The following HSPA12A variants were observed in gnomAD, a reference collection of about 807,000 sequenced individuals.
The protein encoded by HSPA12A is heat shock 70 kDa protein 12A.
HSPA12A carries 28 observed loss-of-function variants against 69.2 expected under a neutral mutation model. The ratio of observed to expected loss-of-function variants is 0.40; its 90% CI spans 0.30 to 0.55. The LOEUF (loss-of-function observed/expected upper bound fraction) is 0.55, where lower values mean the gene tolerates loss of function less well. HSPA12A is among the 20% of genes least tolerant of loss of function. The pLI, the probability that HSPA12A is intolerant of heterozygous loss-of-function variation, is 0.38. For missense variants in HSPA12A, 686 were observed against 900.7 expected (o/e 0.76, Z 3.05); for synonymous variants, 345 against 370.5 (o/e 0.93, Z 0.79).
At chr10:116,828,176 C>T (rs945418670) in intron 2 of HSPA12A, among the ~76,000 whole-genome samples, 3 of 152,188 alleles carry the variant, frequency 2.0e-5, no homozygotes, top group African/African-American at 4.8e-5. Flanking sequence ...CTTATGGATA[C>T]ATACTTTAAA....
chr10:116,769,059 C>T (rs1844140869), intron 2 of HSPA12A, among the ~76,000 whole-genome samples: 1 of 152,164 alleles, frequency 6.6e-6, no homozygotes, highest in African/African-American at 2.4e-5. Context: ...AAAGTGACAT[C>T]CAGCACAGCA....
rs1333459735 is a variant in HSPA12A at position 116,710,282 on chromosome 10, G to A, written c.41-2997C>T. Among the ~76,000 whole-genome samples the A allele has an allele frequency of 6.6e-6, 1 of 152,220 alleles. No individual in the cohort carries two copies. Among genetic ancestry groups the A allele is most frequent in the African/African-American group, 2.4e-5 (1 of 41,464 alleles). On this transcript the variant is annotated intron_variant, in intron 1 of 11. Transcript: ENST00000369209. This position sits in a 1 kb window ranked among gnomAD's most constrained non-coding sequence, Gnocchi z 4.1. ...CACATTTGCACAGACGGTCCTGAAAGAAACCAAATGTCTAATTGCCCAGAA... is the reference window on the plus strand; with the variant it reads ...CACATTTGCACAGACGGTCCTGAAAAAAACCAAATGTCTAATTGCCCAGAA...
Position 116,674,667 on chromosome 10 carries a change from C to G in HSPA12A, c.*114G>C. On this transcript the variant is annotated 3_prime_UTR_variant, in exon 12 of 12. Transcript: ENST00000369209. ...GCCCTGATTGTTCTCATCTTCCCTG[C>G]TGAAATTCACATGGGCAATGGTGAG... 1 of 1,072,686 alleles carries G rather than the reference C, an allele frequency of 9.3e-7. No homozygotes were observed. Among genetic ancestry groups the G allele is most frequent in the Non-Finnish European group, 1.3e-6 (1 of 744,830 alleles). The allele number at this position is 1,072,686 out of a possible 1,614,324, so 66.4% of individuals were successfully genotyped here.
In HSPA12A at chr10:116,681,462, A is replaced by G. The variant is rs548016526; in HGVS notation, c.923-206T>C. On this transcript the variant is annotated intron_variant, in intron 8 of 11. Coordinates refer to ENST00000369209, the MANE Select transcript of HSPA12A (RefSeq NM_025015.3). Reference sequence around the variant, plus strand: ...GAGGATGGTTAGACATGGACGATGGAGAACCCAGGTGAGTGAATCTAAGAT... The same window carrying G: ...GAGGATGGTTAGACATGGACGATGGGGAACCCAGGTGAGTGAATCTAAGAT... 2.0e-5 allele frequency among the ~76,000 whole-genome samples: 3 copies of G among 152,358 alleles called. No individual in the cohort carries two copies. In the South Asian group the frequency reaches 6.2e-4, roughly 32 times the overall value.
chr10:116,752,334 C>T (rs181770788), intron 2 of HSPA12A, among the ~76,000 whole-genome samples: 39 of 152,354 alleles, frequency 2.6e-4, no homozygotes, highest in Non-Finnish European at 8.8e-5. Context: ...GCATTAAAGT[C>T]ACATGGTTTC....
intron 3 of HSPA12A, among the ~76,000 whole-genome samples, chr10:116,702,704 T>C (rs1267686005): frequency 1.3e-5 from 2 of 152,210 alleles, no homozygotes; most frequent in African/African-American, 4.8e-5. Flanking sequence ...CATGAGCTTT[T>C]TCCCTTCAAA....
intron 1 of HSPA12A, among the ~76,000 whole-genome samples, chr10:116,742,171 C>G (rs968642333): frequency 6.6e-6 from 1 of 151,942 alleles, no homozygotes; most frequent in Non-Finnish European, 1.5e-5. Flanking sequence ...GGCGCCTCAG[C>G]GGGGGCTGCA....
intron 2 of HSPA12A, among the ~76,000 whole-genome samples, chr10:116,781,808 CCAGCTAT>C (rs1363465518): frequency 2.5e-4 from 38 of 152,198 alleles, no homozygotes; most frequent in African/African-American, 8.2e-4. Flanking sequence ...CTCCTTGGGT[CCAGCTAT>C]TCAATCTGAC....
chr10:116,712,788 C>G (rs992949748), intron 1 of HSPA12A, among the ~76,000 whole-genome samples: 2 of 151,574 alleles, frequency 1.3e-5, no homozygotes, highest in Admixed American at 1.3e-4. Flanking sequence ...GAAGACAGAA[C>G]CATAGGGCTG....
Position 116,700,978 on chromosome 10 carries a change from G to C in HSPA12A, c.406C>G (p.Leu136Val). The change falls in exon 4 of 12, where the codon CTG becomes GTG. Residue 136 changes from leucine (L) to valine (V), a missense_variant. By Grantham distance (32) the Leu-to-Val change is conservative (BLOSUM62 1). Transcript: ENST00000369209. ...TGCAGCTTCATCTTGAACTTCTCCA[G>C]GTACAGCCACTGCTTGGCCTCATTG... ...DPNEAKQWLY[L>V]EKFKMKLHTT... 1 of 1,613,958 alleles carries C rather than the reference G, an allele frequency of 6.2e-7. No homozygotes were observed. Among genetic ancestry groups the C allele is most frequent in the Non-Finnish European group, 8.5e-7 (1 of 1,180,030 alleles).
At chr10:116,838,833 T>C (rs1845758502) in intron 1 of HSPA12A, among the ~76,000 whole-genome samples, 1 of 152,218 alleles carries the variant, frequency 6.6e-6, no homozygotes, top group Non-Finnish European at 1.5e-5. Flanking sequence ...AGATGAGAAT[T>C]CTAACCCGGG....
chr10:116,766,407 TC>T (rs1361489063), intron 2 of HSPA12A, among the ~76,000 whole-genome samples: 3 of 152,092 alleles, frequency 2.0e-5, no homozygotes, highest in Admixed American at 2.0e-4. Flanking sequence ...CAAAATGTGT[TC>T]CTGGAGGACT....
chr10:116,773,418 G>A lies in HSPA12A; in HGVS notation c.91+61517C>T, dbSNP rs142367283. On this transcript the variant is annotated intron_variant, in intron 2 of 12. Transcript: ENST00000635765. ...ACAGCCTAGCGGGCAGACAGGACAG[G>A]AGGCCTGGGAGCTGTGCGTCACTCA... 2.6e-5 allele frequency among the ~76,000 whole-genome samples: 4 copies of A among 152,388 alleles called. No individual in the cohort carries two copies. In the East Asian group the frequency reaches 7.7e-4, roughly 29 times the overall value.
At chr10:116,720,127 T>C (rs1173569136) in intron 1 of HSPA12A, among the ~76,000 whole-genome samples, 3 of 152,222 alleles carry the variant, frequency 2.0e-5, no homozygotes, top group Non-Finnish European at 2.9e-5. Flanking sequence ...ATGTGAATTA[T>C]ATCTCAATTA....
rs909526862 is a variant in HSPA12A, at chr10:116,679,922, T to C, written c.1028-161A>G. On this transcript the variant is annotated intron_variant, in intron 9 of 11. Coordinates refer to ENST00000369209, the MANE Select transcript of HSPA12A (RefSeq NM_025015.3). Reference sequence around the variant, plus strand: ...CTTCAGAACCCTGCGCTGCTTCTCATTCCATGTGGAGAAGCTTTTCCCTAC... The same window carrying C: ...CTTCAGAACCCTGCGCTGCTTCTCACTCCATGTGGAGAAGCTTTTCCCTAC... Among the ~76,000 whole-genome samples, 5 of 152,316 alleles carry C rather than the reference T, an allele frequency of 3.3e-5. No homozygotes were observed. In the East Asian group the frequency reaches 9.6e-4, roughly 29 times the overall value.
chr10:116,694,948 C>T (rs952084396), intron 5 of HSPA12A, among the ~76,000 whole-genome samples: 14 of 152,156 alleles, frequency 9.2e-5, no homozygotes, highest in Non-Finnish European at 1.8e-4. Flanking sequence ...CCCCTCCCTT[C>T]CCTCTCCCAT....
At chr10:116,753,220 A>T (rs1057272292) in intron 2 of HSPA12A, among the ~76,000 whole-genome samples, 1 of 152,142 alleles carries the variant, frequency 6.6e-6, no homozygotes, top group African/African-American at 2.4e-5. Flanking sequence ...AACCCATGGC[A>T]GTGGGGCCAG....
upstream of HSPA12A, chr10:116,742,602 G>A (rs1851552251): frequency 2.8e-6 from 3 of 1,089,258 alleles, no homozygotes; most frequent in East Asian, 5.8e-5. Flanking sequence ...CTCTGACGCG[G>A]CAGCCGCCGC....
At position 116,783,279 on chromosome 10, in the gene HSPA12A, T is replaced by C. The variant is rs117151981; in HGVS notation, c.91+51656A>G. Among the ~76,000 whole-genome samples the C allele has an allele frequency of 8.7e-3, 1,319 of 152,216 alleles. 26 individuals are homozygous for C. The East Asian group carries it at 0.093, about 11-fold the overall frequency. ...ATGAGGAGGTGACGTTGGAGACATG[T>C]CTGGAAGAATTTGGAGGAGTCAGTG... On this transcript the variant is annotated intron_variant, in intron 2 of 12. Transcript: ENST00000635765.
Sources: allele counts gnomAD v4.1 joint callset (sites outside exome capture counted in the v4.1 genomes callset), GRCh38; gene constraint gnomAD v4.1.1; non-coding constraint Gnocchi (gnomAD v3.1); transcripts MANE v1.5; gene names NCBI Gene and HGNC (gene_info 2026-07-23, HGNC 2026-07-21).